SOD2: variants seen among roughly 807,000 people sequenced by gnomAD.
SOD2 encodes superoxide dismutase [Mn], mitochondrial.
A neutral mutation model predicts 27.0 loss-of-function variants in SOD2; 11 were observed. That is an observed-to-expected ratio of 0.41 (90% CI 0.26 to 0.67). The LOEUF (loss-of-function observed/expected upper bound fraction) is 0.67. Among genes scored for constraint, SOD2 ranks in the 30% least tolerant of loss-of-function variants. The probability of loss-of-function intolerance (pLI) is 0.34; values close to 1 mark genes in which losing one functional copy is unlikely to be tolerated. For missense variants in SOD2, 250 were observed against 274.5 expected, an observed-to-expected ratio of 0.91 and a Z score of 0.63; for synonymous variants, 105 against 103.0, an observed-to-expected ratio of 1.02 and a Z score of -0.12.
upstream of SOD2, among the ~76,000 whole-genome samples, chr6:159,698,034 G>A (rs369070276): frequency 1.4e-4 from 22 of 152,206 alleles, no homozygotes; most frequent in African/African-American, 5.1e-4. Context: ...CAGGACTTTG[G>A]GAGGCTGAGG....
intron 1 of SOD2, among the ~76,000 whole-genome samples, chr6:159,702,850 GAA>G (rs35570449): frequency 0.02 from 598 of 30,620 alleles, 4 homozygotes; most frequent in African/African-American, 0.05. Flanking sequence ...ACCCTATCTC[GAA>G]AAAAAAAAAA....
At chr6:159,741,783 T>A in intron 1 of SOD2, 1 of 211,180 alleles carries the variant, frequency 4.7e-6, no homozygotes, top group Non-Finnish European at 9.5e-6. Flanking sequence ...AGCTCGGGAG[T>A]TCAAGACCAG....
intron 3 of SOD2, among the ~76,000 whole-genome samples, chr6:159,685,980 C>T (rs1163787181): frequency 2.0e-5 from 3 of 152,156 alleles, no homozygotes; most frequent in African/African-American, 4.8e-5. Context: ...CCTTCTTCTA[C>T]GCCTCCATTT....
chr6:159,711,695 C>G (rs867004201), intron 1 of SOD2, among the ~76,000 whole-genome samples: 4 of 116,300 alleles, frequency 3.4e-5, no homozygotes, highest in Non-Finnish European at 7.4e-5. Context: ...CCTCCATAAC[C>G]ACCACTCACA....
chr6:159,724,532 T>C (rs1335339572), intron 1 of SOD2, among the ~76,000 whole-genome samples: 1 of 152,250 alleles, frequency 6.6e-6, no homozygotes, highest in East Asian at 1.9e-4. Flanking sequence ...AGGGTCCACC[T>C]ATATGTGGAT....
At position 159,673,170 on chromosome 6, in the gene SOD2, G is replaced by A. The variant is rs974279588; in HGVS notation, c.*9323C>T. Reference sequence around the variant, plus strand: ...CAATGGGAGACTCTAACACCCCACTGTCAATATTAGACAGATCAACGAGAC... The same window carrying A: ...CAATGGGAGACTCTAACACCCCACTATCAATATTAGACAGATCAACGAGAC... On this transcript the variant is annotated 3_prime_UTR_variant, in exon 5 of 5. Transcript: ENST00000538183. 2 of 152,142 alleles carry A rather than the reference G, an allele frequency of 1.3e-5. No individual in the cohort carries two copies. The highest frequency in any genetic ancestry group is 6.6e-5 in the Admixed American group (1 of 15,254). The allele number at this position is 152,142 out of a possible 1,614,324, so 9.4% of individuals were successfully genotyped here. A position where few individuals can be genotyped will look rare whatever the true frequency, so the allele number is the denominator to read the frequency against.
upstream of SOD2, among the ~76,000 whole-genome samples, chr6:159,732,241 A>G (rs200510625): frequency 6.6e-6 from 1 of 152,228 alleles, no homozygotes; most frequent in Non-Finnish European, 1.5e-5. Context: ...AATAACTTTT[A>G]TAAGCTGGAA....
chr6:159,710,971 C>A (rs1777735707), intron 1 of SOD2, among the ~76,000 whole-genome samples: 1 of 132,526 alleles, frequency 7.5e-6, no homozygotes, highest in Admixed American at 7.4e-5. Flanking sequence ...ACCTCCATAA[C>A]CACCTCCATA....
intron 1 of SOD2, among the ~76,000 whole-genome samples, chr6:159,740,934 C>G (rs1276983505): frequency 6.6e-6 from 1 of 151,958 alleles, no homozygotes; most frequent in Non-Finnish European, 1.5e-5. Flanking sequence ...GATTTCTTGA[C>G]CTCATGATCT....
chr6:159,732,512 C>CTAAAA (rs1411863427), intron 1 of SOD2, among the ~76,000 whole-genome samples: 1 of 152,112 alleles, frequency 6.6e-6, no homozygotes, highest in Non-Finnish European at 1.5e-5. Context: ...GCTCAAATAG[C>CTAAAA]TAAAATTGTC....
Position 159,672,376 on chromosome 6 carries a change from A to G in SOD2, c.*10117T>C, listed in dbSNP as rs922473913. ...GGTTACCCACAAAGGGAAGCCCATC[A>G]GACTAACAGCTGATCTCTCAGCAGA... is the stretch of plus-strand genomic sequence containing the variant. On this transcript the variant is annotated 3_prime_UTR_variant, in exon 5 of 5. Coordinates refer to ENST00000538183, the MANE Select transcript of SOD2 (RefSeq NM_000636.4). 2.6e-5 allele frequency: 4 copies of G among 152,240 alleles called. No homozygotes were observed. The highest frequency in any genetic ancestry group is 4.4e-5 in the Non-Finnish European group (3 of 68,048). 9.4% of individuals were successfully genotyped at this position (152,240 alleles called of 1,614,324 possible).
chr6:159,747,364 C>G (rs930662473), upstream of SOD2, among the ~76,000 whole-genome samples: 3 of 152,042 alleles, frequency 2.0e-5, no homozygotes, highest in Non-Finnish European at 4.4e-5. Context: ...AATTGTAGTC[C>G]CGCTATGGCA....
intron 1 of SOD2, among the ~76,000 whole-genome samples, chr6:159,703,512 T>C (rs1328316494): frequency 6.6e-6 from 1 of 151,916 alleles, no homozygotes; most frequent in Non-Finnish European, 1.5e-5. Context: ...TCCATACAAA[T>C]GACATGACGA....
At chr6:159,712,194 T>C (rs879127086) in intron 1 of SOD2, among the ~76,000 whole-genome samples, 80 of 70,808 alleles carry the variant, frequency 1.1e-3, no homozygotes, top group Non-Finnish European at 1.5e-3. Flanking sequence ...ACCACCCACA[T>C]TGCTCTGATC....
At chr6:159,707,294 C>A (rs561177473) in intron 1 of SOD2, among the ~76,000 whole-genome samples, 22 of 152,126 alleles carry the variant, frequency 1.4e-4, no homozygotes, top group African/African-American at 4.6e-4. Flanking sequence ...GAGACAGAGA[C>A]ACAAAAAACC....
chr6:159,700,809 G>C (rs1777511419), intron 1 of SOD2, among the ~76,000 whole-genome samples: 1 of 152,040 alleles, frequency 6.6e-6, no homozygotes, highest in Non-Finnish European at 1.5e-5. Flanking sequence ...TAAATGTCTG[G>C]TCTCTGGGAC....
At chr6:159,695,571 G>T (rs901255773), upstream of SOD2, among the ~76,000 whole-genome samples, 6 of 152,120 alleles carry the variant, frequency 3.9e-5, no homozygotes, top group African/African-American at 1.4e-4. Context: ...GATCACGGCT[G>T]ATTGCAGCGA....
At chr6:159,723,742 G>C (rs1778085538) in intron 1 of SOD2, among the ~76,000 whole-genome samples, 1 of 141,318 alleles carries the variant, frequency 7.1e-6, no homozygotes, top group Non-Finnish European at 1.6e-5. Flanking sequence ...TCAGTCCACA[G>C]AACTAGGACT....
At chr6:159,687,954 T>G (rs371216648) in intron 3 of SOD2, among the ~76,000 whole-genome samples, 172 bp downstream of exon 3, 67 of 152,228 alleles carry the variant, frequency 4.4e-4, no homozygotes, top group African/African-American at 1.2e-3. Context: ...GAGGTTGCAG[T>G]GAGCCAAGAC....
Sources: allele counts gnomAD v4.1 joint callset (sites outside exome capture counted in the v4.1 genomes callset), GRCh38; gene constraint gnomAD v4.1.1; transcripts MANE v1.5; gene names NCBI Gene and HGNC (gene_info 2026-07-23, HGNC 2026-07-21).